DIP2C: variants seen among roughly 807,000 people sequenced by gnomAD.
DIP2C encodes the protein DIP2 acetate--CoA ligase C (putative), also known as disco-interacting protein 2 homolog C.
Under a neutral mutation model 192.4 loss-of-function variants are expected in DIP2C, and 33 were observed. That is an observed-to-expected ratio of 0.17 (90% CI 0.13 to 0.23). DIP2C has a LOEUF of 0.23. DIP2C is among the 10% of genes least tolerant of loss of function. The pLI is 1.00. For missense variants in DIP2C, 1,537 were observed against 2,110.1 expected, an observed-to-expected ratio of 0.73 and a Z score of 5.32; for synonymous variants, 979 against 864.1, an observed-to-expected ratio of 1.13 and a Z score of -2.33.
At chr10:397,805 CCCCTCAACCAACTGAAGAGACCTCTT>C (rs554130541) in intron 10 of DIP2C, among the ~76,000 whole-genome samples, 212 of 152,344 alleles carry the variant, frequency 1.4e-3, no homozygotes, top group Non-Finnish European at 2.4e-3. Context: ...AAATTCTAAG[CCCCTCAACCAACTGAAGAGACCTCTT>C]CCCTCAGCCA....
chr10:446,757 T>A (rs1968258137), intron 3 of DIP2C, among the ~76,000 whole-genome samples: 1 of 152,246 alleles, frequency 6.6e-6, no homozygotes, highest in Admixed American at 6.5e-5. Context: ...CTTCTGTTCC[T>A]GATGTGACAG....
chr10:331,082 C>T (rs1957486309), intron 29 of DIP2C, among the ~76,000 whole-genome samples: 1 of 151,114 alleles, frequency 6.6e-6, no homozygotes, highest in Non-Finnish European at 1.5e-5. Flanking sequence ...TCCCAAAGTG[C>T]TAGGATTATA....
intron 5 of DIP2C, 37 bp from the exon 6 acceptor site, chr10:419,236 G>A (rs763451345): frequency 2.0e-5 from 33 of 1,613,336 alleles, no homozygotes; most frequent in Non-Finnish European, 2.2e-5. Flanking sequence ...TCTGGTGGTT[G>A]TGATGTTTGC....
intron 9 of DIP2C, among the ~76,000 whole-genome samples, chr10:408,605 A>T (rs991165714): frequency 2.6e-5 from 4 of 152,180 alleles, no homozygotes; most frequent in African/African-American, 9.7e-5. Flanking sequence ...AGGATAACCT[A>T]ATCTTGGGGG....
At chr10:519,281 A>C (rs1846549163) in intron 1 of DIP2C, among the ~76,000 whole-genome samples, 1 of 152,196 alleles carries the variant, frequency 6.6e-6, no homozygotes, top group South Asian at 2.1e-4. Context: ...AACAGCTGTA[A>C]GGGGACAGGG....
At chr10:294,508 C>T (rs544735747) in intron 32 of DIP2C, among the ~76,000 whole-genome samples, 1 of 151,322 alleles carries the variant, frequency 6.6e-6, no homozygotes, top group East Asian at 1.9e-4. Flanking sequence ...GTGGGAGTAT[C>T]AACTGAGTTT....
At chr10:480,267 G>A (rs1373143533) in intron 2 of DIP2C, among the ~76,000 whole-genome samples, 3 of 149,218 alleles carry the variant, frequency 2.0e-5, no homozygotes, top group Non-Finnish European at 4.4e-5. Flanking sequence ...CCACCAGCCT[G>A]AGCTCCGGGG....
intron 4 of DIP2C, among the ~76,000 whole-genome samples, chr10:431,299 A>G (rs560820909): frequency 6.6e-6 from 1 of 152,318 alleles, no homozygotes; most frequent in East Asian, 1.9e-4. Flanking sequence ...TCTTGACAAT[A>G]TTCAGTTTTC....
intron 1 of DIP2C, among the ~76,000 whole-genome samples, chr10:658,372 G>C (rs1241927657): frequency 6.6e-6 from 1 of 151,976 alleles, no homozygotes; most frequent in Non-Finnish European, 1.5e-5. Context: ...CCTGCCGCTG[G>C]ACCTGACACT....
At chr10:437,697 T>C (rs569507415) in intron 4 of DIP2C, 2 of 152,328 alleles carry the variant, frequency 1.3e-5, no homozygotes, top group South Asian at 2.1e-4. Flanking sequence ...AGCAGAAGTT[T>C]TGGCAAATTA....
At chr10:616,045 G>A (rs1853451506) in intron 1 of DIP2C, among the ~76,000 whole-genome samples, 1 of 152,162 alleles carries the variant, frequency 6.6e-6, no homozygotes, top group African/African-American at 2.4e-5. Flanking sequence ...TGAAGACGCT[G>A]AGAAAGGCTG....
intron 1 of DIP2C, among the ~76,000 whole-genome samples, chr10:659,710 C>T (rs1205169819): frequency 1.3e-5 from 2 of 152,354 alleles, no homozygotes; most frequent in South Asian, 2.1e-4. Flanking sequence ...TCGTTCTTTT[C>T]GTTACCCCTG....
chr10:490,758 T>TA (rs1048838891), intron 1 of DIP2C, among the ~76,000 whole-genome samples: 18 of 152,192 alleles, frequency 1.2e-4, no homozygotes, highest in South Asian at 4.2e-4. Context: ...TCTACTTCAT[T>TA]AAAAAAACGC....
At position 574,003 on chromosome 10, in the gene DIP2C, G is replaced by C. The variant is rs138576361; in HGVS notation, c.86-87473C>G. Among the ~76,000 whole-genome samples, 416 of 152,308 alleles carry C rather than the reference G, an allele frequency of 2.7e-3. 5 individuals are homozygous for C. Among genetic ancestry groups the C allele is most frequent in the African/African-American group, 9.5e-3 (394 of 41,558 alleles). ...TCCTCCCTGTCACTTTCCTCAACGGGAACACTTTATTCTGTCTTCTACTCA... is the reference window on the plus strand; with the variant it reads ...TCCTCCCTGTCACTTTCCTCAACGGCAACACTTTATTCTGTCTTCTACTCA... On this transcript the variant is annotated intron_variant, in intron 1 of 36. Transcript: ENST00000280886.
At chr10:442,397 CTCTT>C (rs954483232) in intron 3 of DIP2C, among the ~76,000 whole-genome samples, 5 of 152,134 alleles carry the variant, frequency 3.3e-5, no homozygotes, top group Non-Finnish European at 7.3e-5. Flanking sequence ...TTTCTGGCCA[CTCTT>C]TCTAATTCCC....
intron 1 of DIP2C, chr10:630,362 G>A: frequency 6.6e-6 from 1 of 152,114 alleles, no homozygotes; most frequent in East Asian, 1.9e-4. Flanking sequence ...TGTAATTATA[G>A]CTCTACTTAA....
intron 1 of DIP2C, among the ~76,000 whole-genome samples, chr10:553,366 C>T (rs1198203463): frequency 1.3e-5 from 2 of 152,244 alleles, no homozygotes; most frequent in East Asian, 1.9e-4. Context: ...ATTGAGTTTT[C>T]AACACAGGTG....
chr10:509,247 C>T (rs1048960939), intron 1 of DIP2C, among the ~76,000 whole-genome samples: 1 of 152,164 alleles, frequency 6.6e-6, no homozygotes, highest in African/African-American at 2.4e-5. Flanking sequence ...AAGGAAAACC[C>T]GTCCTAACCG....
At chr10:313,373 C>T (rs1956640463) in intron 31 of DIP2C, among the ~76,000 whole-genome samples, 1 of 152,218 alleles carries the variant, frequency 6.6e-6, no homozygotes, top group African/African-American at 2.4e-5. Flanking sequence ...AAAGGATTCA[C>T]ATTAAAATCC....
Sources: gnomAD v4.1 joint callset for allele counts (sites outside exome capture counted in the v4.1 genomes callset) on GRCh38, gnomAD v4.1.1 for gene constraint, MANE v1.5 for transcripts, NCBI Gene and HGNC (gene_info 2026-07-23, HGNC 2026-07-21) for gene names.